Variants in SLC14A2 observed in about 807,000 individuals in gnomAD.
The protein encoded by SLC14A2 is solute carrier family 14 member 2.
SLC14A2 carries 91 observed loss-of-function variants against 104.6 expected under a neutral mutation model. That is an observed-to-expected ratio of 0.87 (90% CI 0.73 to 1.04). SLC14A2 has a LOEUF of 1.04. Ranked by LOEUF, SLC14A2 falls within the 50% of genes least tolerant of loss-of-function variation. SLC14A2 has a pLI of 0.00. For missense variants in SLC14A2, 1,189 were observed against 1,156.0 expected (o/e 1.03, Z -0.41); for synonymous variants, 476 against 466.4 (o/e 1.02, Z -0.27).
At chr18:45,474,592 TG>T in intron 1 of SLC14A2, among the ~76,000 whole-genome samples, 1 of 152,326 alleles carries the variant, frequency 6.6e-6, no homozygotes, top group East Asian at 1.9e-4. Flanking sequence ...AACTTCTTCC[TG>T]GTTTAGTCTT....
chr18:45,430,594 G>T (rs1186872525), intron 1 of SLC14A2, among the ~76,000 whole-genome samples: 1 of 151,164 alleles, frequency 6.6e-6, no homozygotes, highest in Admixed American at 6.6e-5. Context: ...TTTATTTTTT[G>T]AGATAGAGTC....
intron 6 of SLC14A2, among the ~76,000 whole-genome samples, chr18:45,639,081 G>A (rs548570020): frequency 6.6e-6 from 1 of 152,346 alleles, no homozygotes; most frequent in Non-Finnish European, 1.5e-5. Flanking sequence ...TTCTCCAGAT[G>A]TGCCACATAC....
chr18:45,327,247 A>AT (rs10712056), intron 1 of SLC14A2, among the ~76,000 whole-genome samples: 12 of 151,872 alleles, frequency 7.9e-5, no homozygotes, highest in Admixed American at 5.9e-4. Context: ...TAATTAGTAT[A>AT]TTTTTTTTAC....
chr18:45,597,637 G>A (rs1203119117), intron 2 of SLC14A2, among the ~76,000 whole-genome samples: 7 of 152,208 alleles, frequency 4.6e-5, no homozygotes, highest in Admixed American at 1.3e-4. Context: ...TTTGGCTTGT[G>A]TCTGAGTGAG....
At chr18:45,628,000 C>CAAAAAAAAAAAAAAAAA (rs58009345) in intron 4 of SLC14A2, among the ~76,000 whole-genome samples, 1 of 83,594 alleles carries the variant, frequency 1.2e-5, no homozygotes, top group Non-Finnish European at 2.5e-5. Context: ...AAGACTTTCT[C>CAAAAAAAAAAAAAAAAA]AAAAAAAAAA....
At chr18:45,294,123 A>G (rs578074080) in intron 1 of SLC14A2, among the ~76,000 whole-genome samples, 1 of 152,348 alleles carries the variant, frequency 6.6e-6, no homozygotes, top group East Asian at 1.9e-4. Flanking sequence ...ATGCCTCCAC[A>G]TAGAATGAGA....
chr18:45,319,934 A>T (rs1363476831), intron 1 of SLC14A2, among the ~76,000 whole-genome samples: 1 of 152,212 alleles, frequency 6.6e-6, no homozygotes, highest in Non-Finnish European at 1.5e-5. Context: ...GAGAGAAGAT[A>T]AATATAGTGT....
intron 1 of SLC14A2, among the ~76,000 whole-genome samples, chr18:45,229,288 A>G (rs1396179855): frequency 6.6e-6 from 1 of 152,192 alleles, no homozygotes; most frequent in African/African-American, 2.4e-5. Context: ...GAGGGCCAGA[A>G]GTCAGACGCT....
intron 1 of SLC14A2, among the ~76,000 whole-genome samples, chr18:45,476,378 G>C (rs187197275): frequency 3.3e-5 from 5 of 152,138 alleles, no homozygotes; most frequent in Non-Finnish European, 5.9e-5. Context: ...TCTCTTTGTG[G>C]GTAACCCGAC....
intron 16 of SLC14A2, 90 bp from the exon 17 acceptor site, chr18:45,672,810 G>T: frequency 8.4e-7 from 1 of 1,197,008 alleles, no homozygotes; most frequent in Non-Finnish European, 1.2e-6. Flanking sequence ...AAATGTTAGT[G>T]GGAAGGGTTC....
chr18:45,628,629 T>C (rs1357755740), intron 4 of SLC14A2, among the ~76,000 whole-genome samples: 1 of 152,104 alleles, frequency 6.6e-6, no homozygotes, highest in Non-Finnish European at 1.5e-5. Context: ...GTTTTTCAAT[T>C]TGGGGATCAC....
At chr18:45,508,200 C>T (rs1412219236) in intron 2 of SLC14A2, among the ~76,000 whole-genome samples, 5 of 152,202 alleles carry the variant, frequency 3.3e-5, no homozygotes, top group Admixed American at 3.3e-4. Flanking sequence ...GGCTAGTCTT[C>T]ACTTGGGTTC....
chr18:45,496,661 T>C (rs900221800), intron 2 of SLC14A2, among the ~76,000 whole-genome samples: 3 of 152,128 alleles, frequency 2.0e-5, no homozygotes, highest in African/African-American at 7.2e-5. Context: ...CAGGTGCCTG[T>C]AAACCCAGCT....
intron 1 of SLC14A2, among the ~76,000 whole-genome samples, chr18:45,398,760 G>C (rs1241396638): frequency 6.6e-6 from 1 of 152,040 alleles, no homozygotes; most frequent in Admixed American, 6.6e-5. Context: ...ACCAACTTAG[G>C]GCACTTAGAG....
chr18:45,551,100 A>G (rs773461005), intron 2 of SLC14A2, among the ~76,000 whole-genome samples: 4 of 152,220 alleles, frequency 2.6e-5, no homozygotes, highest in Non-Finnish European at 4.4e-5. Flanking sequence ...TATGGCTTAG[A>G]ACAAGCAATG....
intron 1 of SLC14A2, among the ~76,000 whole-genome samples, chr18:45,341,112 T>C (rs16978344): frequency 0.019 from 2,895 of 152,222 alleles, 91 homozygotes; most frequent in African/African-American, 0.066. Flanking sequence ...CTGACCAAGA[T>C]TGTGGTTTAT....
intron 16 of SLC14A2, among the ~76,000 whole-genome samples, chr18:45,672,027 G>A (rs934888321): frequency 3.9e-5 from 6 of 152,158 alleles, no homozygotes; most frequent in Non-Finnish European, 5.9e-5. Flanking sequence ...GATGGAGCAC[G>A]GAATCAAGCA....
At position 45,443,823 on chromosome 18, in the gene SLC14A2, G is replaced by A. The variant is rs185018759; in HGVS notation, c.-124-39410G>A. 1.6e-4 allele frequency among the ~76,000 whole-genome samples: 24 copies of A among 152,300 alleles called. 1 individual carries two copies. In the East Asian group the frequency reaches 4.2e-3, roughly 27 times the overall value. ...CTCAGATCTCATTTTGAATAAGGGT[G>A]TAAGGCATTCCCTCTCTTCATTTGA... On this transcript the variant is annotated intron_variant, in intron 1 of 20. Coordinates refer to the SLC14A2 transcript ENST00000586448.
chr18:45,367,111 T>C (rs756933714), intron 1 of SLC14A2, among the ~76,000 whole-genome samples: 1 of 152,230 alleles, frequency 6.6e-6, no homozygotes. Flanking sequence ...TTTGGTTTTA[T>C]ATTTTGGATC....
Sources: gnomAD v4.1 joint callset for allele counts (sites outside exome capture counted in the v4.1 genomes callset) on GRCh38, gnomAD v4.1.1 for gene constraint, MANE v1.5 for transcripts, NCBI Gene and HGNC (gene_info 2026-07-23, HGNC 2026-07-21) for gene names.